The following EEF2K variants were observed in gnomAD, a reference collection of about 807,000 sequenced individuals.
EEF2K encodes the protein alternative protein EEF2K.
EEF2K carries 70 observed loss-of-function variants against 93.8 expected under a neutral mutation model. The ratio of observed to expected loss-of-function variants is 0.75; its 90% CI spans 0.62 to 0.91. The LOEUF is 0.91. EEF2K is among the 40% of genes least tolerant of loss of function. EEF2K has a pLI of 0.00. For synonymous variants in EEF2K, 376 were observed against 380.8 expected, an observed-to-expected ratio of 0.99 and a Z score of 0.15; for missense variants, 935 against 972.9, an observed-to-expected ratio of 0.96 and a Z score of 0.52.
At chr16:22,216,156 T>C (rs904873666) in intron 1 of EEF2K, among the ~76,000 whole-genome samples, 3 of 152,186 alleles carry the variant, frequency 2.0e-5, no homozygotes, top group South Asian at 2.1e-4. Context: ...AGCCACTGTA[T>C]TGGGCTTTGG....
chr16:22,224,978 G>T lies in EEF2K; in HGVS notation c.-76-676G>T, dbSNP rs149106863. Among the ~76,000 whole-genome samples, 726 of 151,972 alleles carry T rather than the reference G, an allele frequency of 4.8e-3. 8 individuals are homozygous for T. Among genetic ancestry groups the T allele is most frequent in the Middle Eastern group, 0.027 (8 of 294 alleles). On this transcript the variant is annotated intron_variant, in intron 1 of 17. Coordinates refer to ENST00000263026, the MANE Select transcript of EEF2K (RefSeq NM_013302.5). ...CAGAAGAAAAAAAAAAAAGAACAAA[G>T]AAAGAAATGGAACGGGGTGATATGC...
chr16:22,274,462 G>T (rs892670608), intron 16 of EEF2K, among the ~76,000 whole-genome samples: 1 of 145,466 alleles, frequency 6.9e-6, no homozygotes, highest in East Asian at 2.0e-4. Context: ...AAAAAAAAAA[G>T]ATAAAAGTCA....
chr16:22,219,491 T>G (rs2142102672), intron 1 of EEF2K, among the ~76,000 whole-genome samples: 1 of 152,162 alleles, frequency 6.6e-6, no homozygotes, highest in South Asian at 2.1e-4. Flanking sequence ...TAGGTGGGCA[T>G]AGTGACACAC....
chr16:22,279,688 G>T (rs773977263), intron 16 of EEF2K, among the ~76,000 whole-genome samples: 4 of 151,974 alleles, frequency 2.6e-5, no homozygotes, highest in Non-Finnish European at 5.9e-5. Flanking sequence ...GCCTGGGCTG[G>T]TCAACTGCTC....
At chr16:22,220,327 G>A (rs2046998341) in intron 1 of EEF2K, among the ~76,000 whole-genome samples, 1 of 152,204 alleles carries the variant, frequency 6.6e-6, no homozygotes, top group South Asian at 2.1e-4. Context: ...TCTGTGGTGG[G>A]ACATGGCCGA....
At chr16:22,279,519 G>A (rs1265756120) in intron 16 of EEF2K, among the ~76,000 whole-genome samples, 8 of 151,968 alleles carry the variant, frequency 5.3e-5, no homozygotes, top group Non-Finnish European at 2.9e-5. Flanking sequence ...CAGGATAAAT[G>A]GGATATCCAT....
chr16:22,255,314 T>G (rs946576577), intron 6 of EEF2K, among the ~76,000 whole-genome samples: 2 of 152,206 alleles, frequency 1.3e-5, no homozygotes, highest in African/African-American at 4.8e-5. Flanking sequence ...AGGTCTTGCA[T>G]TGGTGGGTGG....
intron 1 of EEF2K, among the ~76,000 whole-genome samples, chr16:22,212,418 G>C (rs1042042972): frequency 6.6e-6 from 1 of 151,936 alleles, no homozygotes; most frequent in Non-Finnish European, 1.5e-5. Context: ...CCGCCTCCCA[G>C]GTTCAAGCAA....
chr16:22,244,772 T>C (rs773981065), intron 3 of EEF2K, 42 bp downstream of exon 3: 1 of 1,600,786 alleles, frequency 6.2e-7, no homozygotes, highest in East Asian at 2.2e-5. Flanking sequence ...CTGGGGGCTA[T>C]ACGTCCAGCT....
intron 4 of EEF2K, among the ~76,000 whole-genome samples, chr16:22,250,233 C>G (rs575706600): frequency 3.3e-5 from 5 of 152,164 alleles, no homozygotes; most frequent in African/African-American, 1.2e-4. Context: ...TTTTGGTCAA[C>G]ATTTTGCATT....
At chr16:22,244,165 G>A (rs981546067) in intron 2 of EEF2K, among the ~76,000 whole-genome samples, 2 of 151,606 alleles carry the variant, frequency 1.3e-5, no homozygotes, top group African/African-American at 4.9e-5. Context: ...GGAGGTGGAG[G>A]TTGCAGCGAG....
chr16:22,269,077 T>G (rs2141682108), intron 15 of EEF2K, among the ~76,000 whole-genome samples: 1 of 152,258 alleles, frequency 6.6e-6, no homozygotes, highest in Middle Eastern at 3.4e-3. Flanking sequence ...GTGTATTCAC[T>G]TCCTAGGACT....
At chr16:22,233,114 AGTTTATGATAAC>A (rs894677261) in intron 2 of EEF2K, among the ~76,000 whole-genome samples, 1 of 152,202 alleles carries the variant, frequency 6.6e-6, no homozygotes, top group Non-Finnish European at 1.5e-5. Context: ...ATGTTTATAG[AGTTTATGATAAC>A]GTGGGAAAGT....
chr16:22,257,387 T>G lies in EEF2K; in HGVS notation c.901+2T>G. ...CTGACTTTGGAGACGGCAACCTAGG[T>G]ACGTGGGGAAAGCCAGCCTGTTTCT... On this transcript the variant is annotated splice_donor_variant, in intron 8 of 17. Transcript: ENST00000263026. LOFTEE classifies it high-confidence loss of function. 6.2e-7 allele frequency: 1 copy of G among 1,612,642 alleles called. No individual in the cohort carries two copies. Among genetic ancestry groups the G allele is most frequent in the South Asian group, 1.1e-5 (1 of 91,002 alleles).
At chr16:22,248,632 C>T (rs1335986893) in intron 3 of EEF2K, 123 bp from the exon 4 acceptor site, 9 of 1,188,500 alleles carry the variant, frequency 7.6e-6, no homozygotes, top group Non-Finnish European at 9.7e-6. Context: ...GGCTATGGGC[C>T]AAGGTGGAGA....
intron 3 of EEF2K, among the ~76,000 whole-genome samples, chr16:22,247,214 G>A (rs2047304482): frequency 6.6e-6 from 1 of 151,814 alleles, no homozygotes; most frequent in South Asian, 2.1e-4. Context: ...GCTGAAGCAG[G>A]TGGATCACTT....
intron 13 of EEF2K, among the ~76,000 whole-genome samples, chr16:22,265,680 C>G (rs1039422801): frequency 2.0e-5 from 3 of 152,244 alleles, no homozygotes; most frequent in African/African-American, 7.2e-5. Flanking sequence ...AGGGGGCTAC[C>G]CTGTGCATTG....
intron 2 of EEF2K, among the ~76,000 whole-genome samples, chr16:22,236,339 C>CT (rs11353273): frequency 1.6e-3 from 213 of 137,086 alleles, no homozygotes; most frequent in Middle Eastern, 3.9e-3. Context: ...AGTTGTATTT[C>CT]TTTTTTTTTT....
chr16:22,225,795 C>A lies in EEF2K; in HGVS notation c.66C>A (p.Gly22=). 3 of 1,614,222 alleles carry A rather than the reference C, an allele frequency of 1.9e-6. No individual in the cohort carries two copies. The highest frequency in any genetic ancestry group is 1.7e-6 in the Non-Finnish European group (2 of 1,180,042). The change falls in exon 2 of 18, where the codon GGC becomes GGA. Residue 22 remains glycine, a synonymous_variant. Transcript: ENST00000263026. The part of the protein sequence containing the change: ...GVDGGQSPRA[G]HDGDSDGDSD... Reference sequence around the variant, plus strand: ...ATGGCGGCCAGTCCCCCCGAGCTGGCCATGATGGTGATTCTGATGGGGACA... The same window carrying A: ...ATGGCGGCCAGTCCCCCCGAGCTGGACATGATGGTGATTCTGATGGGGACA...
Sources: allele counts gnomAD v4.1 joint callset (sites outside exome capture counted in the v4.1 genomes callset), GRCh38; gene constraint gnomAD v4.1.1; transcripts MANE v1.5; gene names NCBI Gene and HGNC (gene_info 2026-07-23, HGNC 2026-07-21).